The following CDH18 variants were observed in gnomAD, a reference collection of about 807,000 sequenced individuals.
CDH18 encodes cadherin 18.
CDH18 carries 31 observed loss-of-function variants against 67.9 expected under a neutral mutation model. That is an observed-to-expected ratio of 0.46 (90% CI 0.34 to 0.62). The LOEUF (loss-of-function observed/expected upper bound fraction) is 0.62. Ranked by LOEUF, CDH18 falls within the 20% of genes least tolerant of loss-of-function variation. The pLI, the probability that CDH18 is intolerant of heterozygous loss-of-function variation, is 0.01. For synonymous variants in CDH18, 362 were observed against 347.2 expected (o/e 1.04, Z -0.48); for missense variants, 890 against 975.5 (o/e 0.91, Z 1.17).
At chr5:19,981,206 T>C (rs1310760507) in intron 1 of CDH18, 28 bp from the exon 2 acceptor site, 1 of 152,156 alleles carries the variant, frequency 6.6e-6, no homozygotes, top group Non-Finnish European at 1.5e-5. Flanking sequence ...GAGTTTCTTG[T>C]TGAAATATAG....
Position 19,907,156 on chromosome 5 carries a change from G to A in CDH18, c.-256-67914C>T, listed in dbSNP as rs138310297. Among the ~76,000 whole-genome samples the A allele has an allele frequency of 9.2e-3, 1,393 of 152,016 alleles. 11 individuals are homozygous for A. Among genetic ancestry groups the A allele is most frequent in the Non-Finnish European group, 0.016 (1,079 of 67,860 alleles). The stretch of plus-strand genomic sequence containing the variant: ...TTAGGCTTCTTAAAATGTCAGTAAT[G>A]CAAGACATTGCCATATAAAAAAATT... On this transcript the variant is annotated intron_variant, in intron 2 of 12. Transcript: ENST00000382275.
chr5:20,067,530 A>C (rs1168037015), intron 2 of CDH18, among the ~76,000 whole-genome samples: 1 of 151,940 alleles, frequency 6.6e-6, no homozygotes, highest in Non-Finnish European at 1.5e-5. Context: ...TTATTGTATG[A>C]CTCACATAAT....
chr5:20,494,415 TA>T (rs977916082), intron 1 of CDH18, among the ~76,000 whole-genome samples: 2 of 152,004 alleles, frequency 1.3e-5, no homozygotes, highest in African/African-American at 2.4e-5. Context: ...AGAAAGTAGA[TA>T]AAAAATGTGG....
intron 5 of CDH18, among the ~76,000 whole-genome samples, chr5:19,659,885 T>C (rs1339069157): frequency 6.6e-6 from 1 of 152,118 alleles, no homozygotes; most frequent in African/African-American, 2.4e-5. Context: ...TATTTTGTTA[T>C]AGCAGCACAA....
chr5:20,421,459 T>A (rs1375985123), intron 1 of CDH18, among the ~76,000 whole-genome samples: 1 of 150,760 alleles, frequency 6.6e-6, no homozygotes, highest in African/African-American at 2.5e-5. Flanking sequence ...TCAACAACAG[T>A]AAGATCATTC....
chr5:20,335,683 C>A (rs1422059810), intron 1 of CDH18, among the ~76,000 whole-genome samples: 13 of 152,148 alleles, frequency 8.5e-5, no homozygotes, highest in Admixed American at 3.3e-4. Context: ...TGGATAGGAA[C>A]TTTTATCTGT....
chr5:19,706,478 T>C (rs1428270814), intron 5 of CDH18, among the ~76,000 whole-genome samples: 1 of 152,226 alleles, frequency 6.6e-6, no homozygotes, highest in East Asian at 1.9e-4. Context: ...CAGGAGGAGT[T>C]AATCCTTGAG....
intron 4 of CDH18, among the ~76,000 whole-genome samples, chr5:19,739,949 C>T (rs1173181377): frequency 6.6e-6 from 1 of 150,946 alleles, no homozygotes; most frequent in African/African-American, 2.4e-5. Context: ...AACACAGCTG[C>T]AAATGGAACA....
intron 1 of CDH18, among the ~76,000 whole-genome samples, chr5:20,447,841 G>T (rs767080648): frequency 2.3e-4 from 35 of 151,850 alleles, no homozygotes; most frequent in Non-Finnish European, 3.5e-4. Flanking sequence ...GAATGTTTGA[G>T]ATTTTATCGA....
At chr5:20,223,147 T>C (rs1741362077) in intron 2 of CDH18, among the ~76,000 whole-genome samples, 2 of 152,026 alleles carry the variant, frequency 1.3e-5, no homozygotes, top group Admixed American at 1.3e-4. Context: ...GGAGGGGAGC[T>C]GTACCCTGCA....
intron 1 of CDH18, among the ~76,000 whole-genome samples, chr5:20,313,522 T>C (rs979515596): frequency 6.6e-6 from 1 of 152,100 alleles, no homozygotes; most frequent in Non-Finnish European, 1.5e-5. Flanking sequence ...GACTTTAACA[T>C]AAAATTATTG....
At chr5:19,763,994 CA>C (rs60958986) in intron 3 of CDH18, among the ~76,000 whole-genome samples, 35 of 65,308 alleles carry the variant, frequency 5.4e-4, no homozygotes, top group African/African-American at 1.8e-3. Context: ...ACTAAAAATA[CA>C]AAAAAAAAAA....
At chr5:20,032,779 T>C (rs922275355) in intron 2 of CDH18, among the ~76,000 whole-genome samples, 1 of 151,996 alleles carries the variant, frequency 6.6e-6, no homozygotes, top group African/African-American at 2.4e-5. Flanking sequence ...TAGAACATTT[T>C]CTGAAAAAAA....
intron 2 of CDH18, among the ~76,000 whole-genome samples, chr5:20,200,091 C>A (rs1027901723): frequency 6.6e-6 from 1 of 152,130 alleles, no homozygotes; most frequent in African/African-American, 2.4e-5. Flanking sequence ...TGTGTTCTAA[C>A]AAAAATGATG....
chr5:19,838,122 AT>A (rs941153555), intron 3 of CDH18, among the ~76,000 whole-genome samples: 21 of 151,816 alleles, frequency 1.4e-4, no homozygotes, highest in African/African-American at 4.6e-4. Context: ...TTCTATTGTG[AT>A]TTTTTTTCAA....
At chr5:19,847,203 CT>C (rs1783081756) in intron 2 of CDH18, among the ~76,000 whole-genome samples, 1 of 152,162 alleles carries the variant, frequency 6.6e-6, no homozygotes, top group African/African-American at 2.4e-5. Context: ...GCCATCATTT[CT>C]TTAAGTAAAC....
intron 5 of CDH18, among the ~76,000 whole-genome samples, chr5:19,697,150 T>C (rs1488815396): frequency 6.6e-6 from 1 of 152,108 alleles, no homozygotes; most frequent in East Asian, 1.9e-4. Flanking sequence ...AAACAGAAAA[T>C]ATCTAGAGAA....
intron 1 of CDH18, among the ~76,000 whole-genome samples, chr5:20,404,188 G>A (rs1268453759): frequency 1.3e-5 from 2 of 152,322 alleles, no homozygotes; most frequent in East Asian, 1.9e-4. Context: ...TTAAGCAAAT[G>A]TTGTGGCTTG....
At chr5:19,731,083 G>A (rs1484021788) in intron 4 of CDH18, among the ~76,000 whole-genome samples, 1 of 152,062 alleles carries the variant, frequency 6.6e-6, no homozygotes, top group Non-Finnish European at 1.5e-5. Context: ...TGTTACAAAT[G>A]CACACTACTC....
Sources: gnomAD v4.1 joint callset for allele counts (sites outside exome capture counted in the v4.1 genomes callset) on GRCh38, gnomAD v4.1.1 for gene constraint, MANE v1.5 for transcripts, NCBI Gene and HGNC (gene_info 2026-07-23, HGNC 2026-07-21) for gene names.